The following TP73 variants were observed in gnomAD, a reference collection of about 807,000 sequenced individuals.
TP73 encodes p53-like transcription factor.
Under a neutral mutation model 62.5 loss-of-function variants are expected in TP73, and 25 were observed. That is an observed-to-expected ratio of 0.40 (90% CI 0.29 to 0.56). The LOEUF (loss-of-function observed/expected upper bound fraction) is 0.56. TP73 is among the 20% of genes least tolerant of loss of function. The probability of loss-of-function intolerance (pLI) is 0.46; values close to 1 mark genes in which losing one functional copy is unlikely to be tolerated. For missense variants in TP73, 754 were observed against 913.3 expected, an observed-to-expected ratio of 0.83 and a Z score of 2.25; for synonymous variants, 423 against 377.5, an observed-to-expected ratio of 1.12 and a Z score of -1.40.
chr1:3,696,772 G>T lies in TP73; in HGVS notation c.187-10777G>T, dbSNP rs1638698720. Among the ~76,000 whole-genome samples the T allele has an allele frequency of 6.6e-6, 1 of 152,156 alleles. No individual in the cohort carries two copies. The highest frequency in any genetic ancestry group is 1.9e-4 in the East Asian group (1 of 5,180). The stretch of plus-strand genomic sequence containing the variant: ...GTGTCATGAAAGACCCCGAGCAGCG[G>T]TGGGGCTCAAGCCATGTGGGGCCAG... On this transcript the variant is annotated intron_variant, in intron 3 of 13. Coordinates refer to ENST00000378295, the MANE Select transcript of TP73 (RefSeq NM_005427.4). This position sits in a 1 kb window ranked among gnomAD's most constrained non-coding sequence, Gnocchi z 4.1.
chr1:3,723,053 G>T (rs1317986975), intron 5 of TP73, among the ~76,000 whole-genome samples: 1 of 149,066 alleles, frequency 6.7e-6, no homozygotes, highest in Non-Finnish European at 1.5e-5. Context: ...CTGGCATGCA[G>T]CTGGGCACCT....
Position 3,733,413 on chromosome 1 carries a change from C to G in TP73, c.*334C>G. 1 of 398,070 alleles carries G rather than the reference C, an allele frequency of 2.5e-6. No individual in the cohort carries two copies. Among genetic ancestry groups the G allele is most frequent in the East Asian group, 4.2e-5 (1 of 23,722 alleles). 24.7% of individuals were successfully genotyped at this position (398,070 alleles called of 1,614,324 possible). On this transcript the variant is annotated 3_prime_UTR_variant, in exon 14 of 14. Transcript: ENST00000378295. Reference sequence around the variant, plus strand: ...GGGACCGCAGCGTCGGCTCCGACTTCCAGGCTTCATCCTAGAGACTGTCAT... The same window carrying G: ...GGGACCGCAGCGTCGGCTCCGACTTGCAGGCTTCATCCTAGAGACTGTCAT...
intron 1 of TP73, among the ~76,000 whole-genome samples, chr1:3,654,398 T>A (rs1644822951): frequency 6.6e-6 from 1 of 152,180 alleles, no homozygotes; most frequent in Non-Finnish European, 1.5e-5. Flanking sequence ...CGAAGGCCAG[T>A]CGCATGGAGA....
intron 13 of TP73, 114 bp downstream of exon 13, chr1:3,731,670 T>A: frequency 1.0e-6 from 1 of 953,714 alleles, no homozygotes; most frequent in Non-Finnish European, 1.6e-6. Flanking sequence ...GGAAACCCTT[T>A]CCCACGGGCA....
chr1:3,684,094 G>A (rs1034972016), intron 3 of TP73, among the ~76,000 whole-genome samples: 3 of 152,218 alleles, frequency 2.0e-5, no homozygotes, highest in African/African-American at 7.2e-5. Flanking sequence ...CGACTGTGCC[G>A]GGAGGTGGAT....
intron 3 of TP73, among the ~76,000 whole-genome samples, chr1:3,687,642 G>A (rs1335323293): frequency 1.3e-5 from 2 of 152,134 alleles, no homozygotes; most frequent in Admixed American, 6.5e-5. Context: ...GGGAGAAAAG[G>A]AGAGAGAGGC....
At chr1:3,690,824 C>T (rs1279315445) in intron 3 of TP73, 1 of 1,543,340 alleles carries the variant, frequency 6.5e-7, no homozygotes, top group African/African-American at 1.4e-5. Flanking sequence ...GACCGTGACC[C>T]TTCCCCTCGG....
At chr1:3,654,045 G>C (rs1475351277) in intron 1 of TP73, among the ~76,000 whole-genome samples, 1 of 152,114 alleles carries the variant, frequency 6.6e-6, no homozygotes, top group Admixed American at 6.5e-5. Flanking sequence ...ATGGTGGCAG[G>C]CACCTGTACT....
chr1:3,685,230 C>A (rs1645622391), intron 3 of TP73, among the ~76,000 whole-genome samples: 1 of 152,190 alleles, frequency 6.6e-6, no homozygotes, highest in South Asian at 2.1e-4. Context: ...GTTCTACATT[C>A]CTGAGTGGGT....
chr1:3,686,124 G>T (rs1645649819), intron 3 of TP73, among the ~76,000 whole-genome samples: 1 of 152,206 alleles, frequency 6.6e-6, no homozygotes, highest in South Asian at 2.1e-4. Context: ...GTGGCATCTG[G>T]CTGCTCCCAT....
chr1:3,707,900 C>A, intron 4 of TP73, 109 bp downstream of exon 4: 1 of 1,473,420 alleles, frequency 6.8e-7, no homozygotes, highest in South Asian at 1.3e-5. Flanking sequence ...ACTGTCTGCT[C>A]GGGGTTCCCA....
At chr1:3,675,347 A>G (rs1362991620) in intron 1 of TP73, among the ~76,000 whole-genome samples, 5 of 152,062 alleles carry the variant, frequency 3.3e-5, no homozygotes, top group Admixed American at 2.6e-4. Flanking sequence ...CAATGGCCCC[A>G]GGTTTCTTTG....
intron 1 of TP73, among the ~76,000 whole-genome samples, chr1:3,667,026 G>A (rs766029861): frequency 8.5e-5 from 13 of 152,218 alleles, no homozygotes; most frequent in Non-Finnish European, 1.9e-4. Flanking sequence ...TCATCAGGGG[G>A]CCCCACAAGA....
At chr1:3,731,094 G>A (rs777864533) in intron 12 of TP73, 29 bp downstream of exon 12, 2 of 1,602,784 alleles carry the variant, frequency 1.2e-6, no homozygotes, top group East Asian at 2.2e-5. Context: ...GCCTGAGCAT[G>A]TGCTGTCACC....
At chr1:3,691,400 G>T (rs1645825116) in intron 3 of TP73, among the ~76,000 whole-genome samples, 1 of 152,152 alleles carries the variant, frequency 6.6e-6, no homozygotes, top group Admixed American at 6.5e-5. Context: ...GCCCTCATCA[G>T]GGAATTTGCT....
intron 3 of TP73, among the ~76,000 whole-genome samples, chr1:3,693,686 C>T (rs1350988259): frequency 6.7e-6 from 1 of 148,722 alleles, no homozygotes; most frequent in African/African-American, 2.5e-5. Flanking sequence ...GCCCCTCCTC[C>T]CACAATCCCA....
At chr1:3,658,037 A>T (rs1287843128) in intron 1 of TP73, among the ~76,000 whole-genome samples, 1 of 152,210 alleles carries the variant, frequency 6.6e-6, no homozygotes, top group African/African-American at 2.4e-5. Context: ...GGCACCTCTC[A>T]GGGAGTTGGA....
chr1:3,722,127 C>T lies in TP73; in HGVS notation c.536C>T (p.Pro179Leu). The T allele has an allele frequency of 6.2e-7, 1 of 1,612,946 alleles. No individual in the cohort carries two copies. Among genetic ancestry groups the T allele is most frequent in the Non-Finnish European group, 8.5e-7 (1 of 1,179,896 alleles). Residue 179 changes from proline to leucine, a missense_variant, in exon 5 of 14, where the codon CCT becomes CTT. Physicochemically the swap from Pro to Leu is moderately conservative, Grantham distance 98. Around this residue, in one of 3 missense-constraint regions of TP73, gnomAD observed 235 missense variants for 251.4 expected, o/e 0.93. Transcript: ENST00000378295. ...CCAGGCACCGCCATCCGGGCCATGC[C>T]TGTTTACAAGAAAGCGGAGCACGTG... ...PPPGTAIRAM[P>L]VYKKAEHVTD...
intron 3 of TP73, chr1:3,691,032 G>A (rs1474110915): frequency 1.3e-6 from 2 of 1,532,010 alleles, no homozygotes; most frequent in Admixed American, 2.0e-5. Flanking sequence ...GCATCCTTCT[G>A]CCTGCCTTCC....
Sources: gnomAD v4.1 joint callset for allele counts (sites outside exome capture counted in the v4.1 genomes callset) on GRCh38, gnomAD v4.1.1 for gene constraint, gnomAD v4.1.1 regional missense constraint, Gnocchi (gnomAD v3.1) non-coding constraint, MANE v1.5 for transcripts, NCBI Gene and HGNC (gene_info 2026-07-23, HGNC 2026-07-21) for gene names.